The following ZCCHC17 variants were observed in gnomAD, a reference collection of about 807,000 sequenced individuals.
The protein encoded by ZCCHC17 is zinc finger CCHC-type containing 17, also known as zinc finger CCHC domain-containing protein 17.
ZCCHC17 carries 18 observed loss-of-function variants against 30.6 expected under a neutral mutation model. That is an observed-to-expected ratio of 0.59 (90% CI 0.41 to 0.87). The LOEUF (loss-of-function observed/expected upper bound fraction) is 0.87, where lower values mean the gene tolerates loss of function less well. Among genes scored for constraint, ZCCHC17 ranks in the 40% least tolerant of loss-of-function variants. The probability of loss-of-function intolerance (pLI) is 0.00; values close to 1 mark genes in which losing one functional copy is unlikely to be tolerated. For missense variants in ZCCHC17, 263 were observed against 284.2 expected (o/e 0.93, Z 0.54); for synonymous variants, 88 against 92.4 (o/e 0.95, Z 0.27).
At chr1:31,347,649 G>T (rs1019715173) in intron 6 of ZCCHC17, among the ~76,000 whole-genome samples, 3 of 152,070 alleles carry the variant, frequency 2.0e-5, no homozygotes, top group Non-Finnish European at 2.9e-5. Flanking sequence ...TTAAGGTAGG[G>T]TCACCCAGGC....
intron 1 of ZCCHC17, among the ~76,000 whole-genome samples, chr1:31,299,980 T>A (rs1646268821): frequency 6.6e-6 from 1 of 152,196 alleles, no homozygotes; most frequent in Non-Finnish European, 1.5e-5. Context: ...GCTAGAGGAT[T>A]TCTGTTTATC....
At chr1:31,319,425 G>C (rs1298119124) in intron 3 of ZCCHC17, among the ~76,000 whole-genome samples, 1 of 152,138 alleles carries the variant, frequency 6.6e-6, no homozygotes, top group Non-Finnish European at 1.5e-5. Flanking sequence ...CTTCACCTGT[G>C]ACCCTAGGCA....
At chr1:31,322,050 G>A (rs1029573031) in intron 3 of ZCCHC17, among the ~76,000 whole-genome samples, 8 of 152,236 alleles carry the variant, frequency 5.3e-5, no homozygotes, top group East Asian at 1.9e-4. Context: ...GTAAAATTAC[G>A]TGGAACTAAA....
chr1:31,318,605 CA>C (rs1646790379), intron 2 of ZCCHC17, among the ~76,000 whole-genome samples: 1 of 152,132 alleles, frequency 6.6e-6, no homozygotes, highest in South Asian at 2.1e-4. Flanking sequence ...TTAAATGTAA[CA>C]GGCTGTATGC....
chr1:31,320,919 A>G (rs12145953), intron 3 of ZCCHC17, among the ~76,000 whole-genome samples: 36,292 of 151,896 alleles, frequency 0.24, 5,069 homozygotes, highest in African/African-American at 0.38. Context: ...TGAGGGTTCT[A>G]TTTTCTTTAC....
At chr1:31,358,908 G>C (rs957565300) in intron 7 of ZCCHC17, among the ~76,000 whole-genome samples, 1 of 152,114 alleles carries the variant, frequency 6.6e-6, no homozygotes, top group African/African-American at 2.4e-5. Context: ...CTGAGCCCCA[G>C]AGTGCTCAAC....
At position 31,364,201 on chromosome 1, in the gene ZCCHC17, A is replaced by T; in HGVS notation, c.*8A>T. The T allele has an allele frequency of 6.2e-7, 1 of 1,611,638 alleles. No homozygotes were observed. The highest frequency in any genetic ancestry group is 8.5e-7 in the Non-Finnish European group (1 of 1,179,262). On this transcript the variant is annotated 3_prime_UTR_variant, in exon 8 of 8. Coordinates refer to ENST00000344147, the MANE Select transcript of ZCCHC17 (RefSeq NM_016505.4). ...AAGAAGCACAAGGAGTGAGAGTATA[A>T]AGAGTGTAGGGGGTGGTTGAGAGTA...
chr1:31,327,624 C>T (rs1638408377), intron 3 of ZCCHC17, among the ~76,000 whole-genome samples: 1 of 152,186 alleles, frequency 6.6e-6, no homozygotes, highest in South Asian at 2.1e-4. Flanking sequence ...GTACGCTACC[C>T]ACCCATTAGT....
intron 1 of ZCCHC17, among the ~76,000 whole-genome samples, chr1:31,309,150 A>G (rs1051208851): frequency 2.6e-5 from 4 of 152,170 alleles, no homozygotes; most frequent in Non-Finnish European, 5.9e-5. Context: ...GTCACTTCAG[A>G]TTTAATACCT....
chr1:31,314,286 A>C (rs1342058197), intron 2 of ZCCHC17, among the ~76,000 whole-genome samples: 1 of 152,198 alleles, frequency 6.6e-6, no homozygotes, highest in Non-Finnish European at 1.5e-5. Flanking sequence ...TTACTATTTC[A>C]GTAGCATATT....
Position 31,317,932 on chromosome 1 carries a change from C to T in ZCCHC17, c.67-1177C>T, listed in dbSNP as rs900022859. ...AGCAGCTCTAGTGTAATTAAGACTC[C>T]GGATTCAAATCTCAGCTCTGCTACT... On this transcript the variant is annotated intron_variant, in intron 2 of 7. Transcript: ENST00000344147. 6.6e-5 allele frequency among the ~76,000 whole-genome samples: 10 copies of T among 152,252 alleles called. No individual in the cohort carries two copies. The South Asian group carries it at 1.0e-3, about 16-fold the overall frequency.
chr1:31,315,119 C>A (rs146656289), intron 2 of ZCCHC17, among the ~76,000 whole-genome samples: 1 of 152,168 alleles, frequency 6.6e-6, no homozygotes, highest in Non-Finnish European at 1.5e-5. Context: ...ACTACTAGAT[C>A]GTGAGTTACT....
chr1:31,306,768 A>G (rs1000964524), intron 1 of ZCCHC17, among the ~76,000 whole-genome samples: 13 of 152,148 alleles, frequency 8.5e-5, no homozygotes, highest in African/African-American at 3.1e-4. Flanking sequence ...CCTTGGCTCA[A>G]GCGATCCTCT....
chr1:31,346,572 C>A (rs1328041090), intron 5 of ZCCHC17, 68 bp from the exon 6 acceptor site: 2 of 1,499,514 alleles, frequency 1.3e-6, no homozygotes, highest in Non-Finnish European at 1.8e-6. Context: ...CAACATACAA[C>A]CTTACCTTGT....
At position 31,364,214 on chromosome 1, in the gene ZCCHC17, G is replaced by A. The variant is rs1193651869; in HGVS notation, c.*21G>A. The A allele has an allele frequency of 6.3e-7, 1 of 1,598,994 alleles. No individual in the cohort carries two copies. Among genetic ancestry groups the A allele is most frequent in the South Asian group, 1.1e-5 (1 of 89,702 alleles). ...AGTGAGAGTATAAAGAGTGTAGGGG[G>A]TGGTTGAGAGTAAGAAACCAGGAGC... On this transcript the variant is annotated 3_prime_UTR_variant, in exon 8 of 8. Transcript: ENST00000344147.
intron 7 of ZCCHC17, among the ~76,000 whole-genome samples, chr1:31,355,605 T>G (rs1639615870): frequency 1.3e-5 from 2 of 152,244 alleles, no homozygotes; most frequent in Admixed American, 1.3e-4. Flanking sequence ...TTCTTTTCTG[T>G]ATATCACACT....
chr1:31,356,483 C>G (rs1172715128), intron 7 of ZCCHC17, among the ~76,000 whole-genome samples: 1 of 152,170 alleles, frequency 6.6e-6, no homozygotes, highest in African/African-American at 2.4e-5. Context: ...AGGATGTCAC[C>G]TTTTACAAAT....
At chr1:31,324,050 C>G (rs891518033) in intron 3 of ZCCHC17, among the ~76,000 whole-genome samples, 2 of 152,198 alleles carry the variant, frequency 1.3e-5, no homozygotes, top group Non-Finnish European at 2.9e-5. Context: ...ACAATTCCAT[C>G]ACACTGCTAC....
intron 1 of ZCCHC17, among the ~76,000 whole-genome samples, chr1:31,301,759 A>G (rs191421549): frequency 2.6e-5 from 4 of 152,076 alleles, no homozygotes; most frequent in Non-Finnish European, 5.9e-5. Context: ...AAGTTTTTAC[A>G]TTTTCTGAGT....
Sources: gnomAD v4.1 joint callset for allele counts (sites outside exome capture counted in the v4.1 genomes callset) on GRCh38, gnomAD v4.1.1 for gene constraint, MANE v1.5 for transcripts, NCBI Gene and HGNC (gene_info 2026-07-23, HGNC 2026-07-21) for gene names.